MYO5A: variants seen among roughly 807,000 people sequenced by gnomAD.
The protein encoded by MYO5A is unconventional myosin-Va.
Under a neutral mutation model 249.7 loss-of-function variants are expected in MYO5A, and 98 were observed. The observed-to-expected ratio is 0.39, with a 90% CI of 0.33 to 0.46. MYO5A has a LOEUF of 0.46. Ranked by LOEUF, MYO5A falls within the 20% of genes least tolerant of loss-of-function variation. The pLI is 0.98. For synonymous variants in MYO5A, 778 were observed against 810.6 expected (o/e 0.96, Z 0.68); for missense variants, 1,696 against 2,308.8 (o/e 0.73, Z 5.44).
chr15:52,313,902 G>T, intron 41 of MYO5A, 54 bp from the exon 42 acceptor site: 1 of 1,598,128 alleles, frequency 6.3e-7, no homozygotes, highest in Non-Finnish European at 8.6e-7. Flanking sequence ...GAATCTAAAA[G>T]ACTTTTTTCT....
intron 1 of MYO5A, chr15:52,505,640 A>G: frequency 7.6e-7 from 1 of 1,314,238 alleles, no homozygotes; most frequent in South Asian, 1.2e-5. Context: ...TCTTGGGATG[A>G]TGAGACAGAT....
chr15:52,497,024 C>A (rs564470689), intron 1 of MYO5A, among the ~76,000 whole-genome samples: 1 of 152,172 alleles, frequency 6.6e-6, no homozygotes, highest in African/African-American at 2.4e-5. Context: ...TGCAGTGACA[C>A]AATCACGACT....
chr15:52,378,470 G>T (rs575177577), intron 18 of MYO5A, among the ~76,000 whole-genome samples: 1 of 125,348 alleles, frequency 8.0e-6, no homozygotes, highest in African/African-American at 2.9e-5. Flanking sequence ...GCAGTGAGCC[G>T]AGATGCCACT....
rs1016865951 is a variant in MYO5A, at chr15:52,340,336, G to A, written c.4099C>T (p.Leu1367Phe). ...TTCAGGCTCTGGATCTCCCCACGGA[G>A]GGCCTCGGCCTCATTCTCATGGCTC... ...KRSHENEAEA[L>F]RGEIQSLKEE... Residue 1367 changes from leucine to phenylalanine, a missense_variant, in exon 32 of 42, where the codon CTC becomes TTC. Physicochemically the swap from Leu to Phe is conservative, Grantham distance 22 (BLOSUM62 0). Coordinates refer to ENST00000399233, the MANE Select transcript of MYO5A (RefSeq NM_001382347.1). The A allele has an allele frequency of 4.3e-6, 7 of 1,613,838 alleles. No homozygotes were observed. Among genetic ancestry groups the A allele is most frequent in the Middle Eastern group, 1.6e-4 (1 of 6,084 alleles).
intron 9 of MYO5A, among the ~76,000 whole-genome samples, chr15:52,399,647 C>T (rs1300868222): frequency 6.6e-6 from 1 of 151,728 alleles, no homozygotes; most frequent in Non-Finnish European, 1.5e-5. Flanking sequence ...ATACCTGAAA[C>T]TTTTTTTTCT....
chr15:52,473,609 A>T (rs1290279398), intron 1 of MYO5A, among the ~76,000 whole-genome samples: 1 of 152,222 alleles, frequency 6.6e-6, no homozygotes, highest in Admixed American at 6.5e-5. Flanking sequence ...AGCTTTCTAC[A>T]TATGGCTACC....
intron 31 of MYO5A, among the ~76,000 whole-genome samples, chr15:52,340,702 T>G (rs1237774409): frequency 6.6e-6 from 1 of 152,092 alleles, no homozygotes; most frequent in African/African-American, 2.4e-5. Context: ...ATCTCAGCAC[T>G]TTGGGAGGCT....
At chr15:52,333,804 T>C (rs2038994693) in intron 34 of MYO5A, among the ~76,000 whole-genome samples, 1 of 152,198 alleles carries the variant, frequency 6.6e-6, no homozygotes, top group South Asian at 2.1e-4. Flanking sequence ...TGTGTTGCAA[T>C]ACATTTAAAG....
At chr15:52,441,393 C>T (rs1044299237) in intron 1 of MYO5A, among the ~76,000 whole-genome samples, 8 of 152,000 alleles carry the variant, frequency 5.3e-5, no homozygotes, top group Admixed American at 4.6e-4. Context: ...CTTCCATATG[C>T]CCACCACTTA....
chr15:52,450,345 C>A (rs2075989305), intron 1 of MYO5A, among the ~76,000 whole-genome samples: 1 of 151,632 alleles, frequency 6.6e-6, no homozygotes, highest in African/African-American at 2.4e-5. Context: ...GTGACCTATT[C>A]TCATTAATAA....
At chr15:52,415,239 G>A (rs1433758820) in intron 5 of MYO5A, among the ~76,000 whole-genome samples, 2 of 152,142 alleles carry the variant, frequency 1.3e-5, no homozygotes, top group African/African-American at 4.8e-5. Flanking sequence ...AAAAAATGCC[G>A]ATTTGAATTT....
intron 1 of MYO5A, 128 bp from the exon 2 acceptor site, chr15:52,433,413 CT>C (rs151276395): frequency 0.11 from 28,608 of 267,284 alleles, 164 homozygotes; most frequent in Middle Eastern, 0.13. Flanking sequence ...ATGAAATTCA[CT>C]TTTTTTTTTT....
Position 52,354,671 on chromosome 15 carries a change from C to G in MYO5A, c.3424-657G>C, listed in dbSNP as rs144957444. ...GAGTTCAAGACCAGCCTGACCAACACGGTGAAACCCCATCTCTGCTAAAAA... is the reference window on the plus strand; with the variant it reads ...GAGTTCAAGACCAGCCTGACCAACAGGGTGAAACCCCATCTCTGCTAAAAA... On this transcript the variant is annotated intron_variant, in intron 25 of 41. Transcript: ENST00000399233. Among the ~76,000 whole-genome samples the G allele has an allele frequency of 3.9e-5, 6 of 152,120 alleles. No individual in the cohort carries two copies. The South Asian group carries it at 1.2e-3, about 32-fold the overall frequency.
chr15:52,431,714 A>G (rs2075543185), intron 2 of MYO5A, among the ~76,000 whole-genome samples: 1 of 151,250 alleles, frequency 6.6e-6, no homozygotes, highest in African/African-American at 2.4e-5. Context: ...AGCCAGGCAC[A>G]GTGGCTCATG....
At chr15:52,471,022 CAAAAAA>C (rs55650927) in intron 1 of MYO5A, among the ~76,000 whole-genome samples, 1 of 132,970 alleles carries the variant, frequency 7.5e-6, no homozygotes. Flanking sequence ...GACTCCATCT[CAAAAAA>C]AAAAAAAAAA....
intron 9 of MYO5A, among the ~76,000 whole-genome samples, chr15:52,398,756 A>G (rs2042599334): frequency 6.6e-6 from 1 of 152,242 alleles, no homozygotes; most frequent in Non-Finnish European, 1.5e-5. Flanking sequence ...CGGGAGGCTA[A>G]GGCAGGAGGA....
At chr15:52,436,304 T>C (rs530443235) in intron 1 of MYO5A, among the ~76,000 whole-genome samples, 1 of 152,320 alleles carries the variant, frequency 6.6e-6, no homozygotes, top group East Asian at 1.9e-4. Flanking sequence ...TTCCTTCCCC[T>C]GCCAACCTCT....
At chr15:52,389,975 G>C (rs929509012) in intron 12 of MYO5A, among the ~76,000 whole-genome samples, 5 of 151,924 alleles carry the variant, frequency 3.3e-5, no homozygotes, top group African/African-American at 1.2e-4. Flanking sequence ...AAACAAAAAA[G>C]CCTCCCAAGT....
intron 4 of MYO5A, among the ~76,000 whole-genome samples, chr15:52,418,909 G>A (rs565741701): frequency 9.9e-5 from 15 of 151,974 alleles, no homozygotes; most frequent in Non-Finnish European, 1.5e-4. Flanking sequence ...TTTTCCTTTC[G>A]AATTTTACCC....
Sources: allele counts gnomAD v4.1 joint callset (sites outside exome capture counted in the v4.1 genomes callset), GRCh38; gene constraint gnomAD v4.1.1; transcripts MANE v1.5; gene names NCBI Gene and HGNC (gene_info 2026-07-23, HGNC 2026-07-21).